Variants in SLC39A12 observed in about 807,000 individuals in gnomAD.
The protein encoded by SLC39A12 is solute carrier family 39 member 12.
SLC39A12 carries 63 observed loss-of-function variants against 71.1 expected under a neutral mutation model. The ratio of observed to expected loss-of-function variants is 0.89; its 90% confidence interval spans 0.72 to 1.09. SLC39A12 has a LOEUF of 1.09. SLC39A12 is among the 50% of genes least tolerant of loss of function. SLC39A12 has a pLI of 0.00. For missense variants in SLC39A12, 892 were observed against 812.6 expected (o/e 1.10, Z -1.19); for synonymous variants, 351 against 301.3 (o/e 1.16, Z -1.71).
At chr10:17,960,939 T>C (rs1834672460) in intron 2 of SLC39A12, among the ~76,000 whole-genome samples, 1 of 152,254 alleles carries the variant, frequency 6.6e-6, no homozygotes, top group African/African-American at 2.4e-5. Flanking sequence ...TAGCTGTTTT[T>C]ACTTTTTAAA....
At chr10:18,005,177 C>T (rs928079697) in intron 12 of SLC39A12, among the ~76,000 whole-genome samples, 4 of 151,788 alleles carry the variant, frequency 2.6e-5, no homozygotes, top group Non-Finnish European at 5.9e-5. Context: ...CTGTGACACA[C>T]GTTTACCTAT....
At position 17,953,500 on chromosome 10, in the gene SLC39A12, C is replaced by A; in HGVS notation, c.224C>A (p.Pro75Gln). Residue 75 changes from proline (P) to glutamine (Q), a missense_variant, in exon 2 of 13, where the codon CCA becomes CAA. Pro to Gln is a moderately conservative substitution (Grantham distance 76). Coordinates refer to ENST00000377369, the MANE Select transcript of SLC39A12 (RefSeq NM_001145195.2). ...ACATTGTTGGAGAAAACTGGGTGCCCACGGAGGAGAAACGGAATGCAAGGA... is the reference window on the plus strand; with the variant it reads ...ACATTGTTGGAGAAAACTGGGTGCCAACGGAGGAGAAACGGAATGCAAGGA... Reference protein sequence around the residue: ...IKTLLEKTGCPRRRNGMQGDC... With the variant: ...IKTLLEKTGCQRRRNGMQGDC... The A allele has an allele frequency of 6.2e-7, 1 of 1,614,092 alleles. No individual in the cohort carries two copies. The highest frequency in any genetic ancestry group is 8.5e-7 in the Non-Finnish European group (1 of 1,180,026).
intron 12 of SLC39A12, among the ~76,000 whole-genome samples, chr10:18,030,608 T>TTTTA (rs1168138812): frequency 8.1e-4 from 106 of 130,364 alleles, no homozygotes; most frequent in African/African-American, 2.5e-3. Flanking sequence ...TTTTATTTTA[T>TTTTA]TTTATTTATT....
At chr10:18,034,231 G>T in intron 12 of SLC39A12, among the ~76,000 whole-genome samples, 1 of 150,040 alleles carries the variant, frequency 6.7e-6, no homozygotes, top group East Asian at 2.0e-4. Flanking sequence ...TCGTTGATCT[G>T]TCTAATGTTG....
At chr10:17,955,567 C>T (rs1470104231) in intron 2 of SLC39A12, among the ~76,000 whole-genome samples, 1 of 152,146 alleles carries the variant, frequency 6.6e-6, no homozygotes, top group Non-Finnish European at 1.5e-5. Flanking sequence ...TGTCTGCTGA[C>T]AGGCAGGGTT....
intron 4 of SLC39A12, among the ~76,000 whole-genome samples, chr10:17,970,906 T>C (rs907104045): frequency 1.1e-4 from 16 of 152,130 alleles, no homozygotes; most frequent in Admixed American, 6.5e-5. Flanking sequence ...GCTTTCAGTT[T>C]GTTCTCATTC....
intron 12 of SLC39A12, among the ~76,000 whole-genome samples, chr10:18,011,941 C>T (rs1010538584): frequency 2.0e-5 from 3 of 152,106 alleles, no homozygotes; most frequent in Non-Finnish European, 2.9e-5. Context: ...TTAAAACAAC[C>T]TTGAGAATAG....
intron 10 of SLC39A12, among the ~76,000 whole-genome samples, chr10:17,999,065 G>A (rs1431008949): frequency 6.6e-6 from 1 of 152,100 alleles, no homozygotes; most frequent in Non-Finnish European, 1.5e-5. Flanking sequence ...GGGAGGCCGA[G>A]GCGGGTGGAT....
Position 18,042,902 on chromosome 10 carries a change from A to G in SLC39A12, c.*69A>G, listed in dbSNP as rs986094890. ...TACTTTGTTTCTTTCATTGCACTCTATAATGATTTTTAAATTAAGAATTTT... is the reference window on the plus strand; with the variant it reads ...TACTTTGTTTCTTTCATTGCACTCTGTAATGATTTTTAAATTAAGAATTTT... On this transcript the variant is annotated 3_prime_UTR_variant, in exon 13 of 13. Transcript: ENST00000377369. 2.3e-6 allele frequency: 3 copies of G among 1,321,336 alleles called. No homozygotes were observed. The highest frequency in any genetic ancestry group is 1.5e-5 in the African/African-American group (1 of 65,806). 81.9% of individuals were successfully genotyped at this position (1,321,336 alleles called of 1,614,324 possible).
At chr10:17,974,952 A>T (rs555929017) in intron 4 of SLC39A12, among the ~76,000 whole-genome samples, 18 of 152,306 alleles carry the variant, frequency 1.2e-4, no homozygotes, top group Non-Finnish European at 2.5e-4. Flanking sequence ...ACCGTATTGC[A>T]GCTGAATTGG....
intron 5 of SLC39A12, among the ~76,000 whole-genome samples, chr10:17,979,500 C>G (rs1028204864): frequency 6.6e-6 from 1 of 152,122 alleles, no homozygotes; most frequent in African/African-American, 2.4e-5. Flanking sequence ...AAACTATCAT[C>G]AAAAGTTTGT....
chr10:17,987,754 A>G (rs1835439682), intron 7 of SLC39A12, 103 bp downstream of exon 7: 1 of 1,179,542 alleles, frequency 8.5e-7, no homozygotes, highest in Non-Finnish European at 1.2e-6. Flanking sequence ...TCAAAGAGAG[A>G]GTATCGTGGC....
chr10:18,033,286 CTT>C (rs1836903188), intron 12 of SLC39A12, among the ~76,000 whole-genome samples: 2 of 148,374 alleles, frequency 1.3e-5, no homozygotes, highest in East Asian at 2.0e-4. Flanking sequence ...GTCCTGGACT[CTT>C]TTTGGTTGGT....
intron 2 of SLC39A12, among the ~76,000 whole-genome samples, chr10:17,954,498 C>A (rs1554847546): frequency 6.6e-6 from 1 of 152,086 alleles, no homozygotes; most frequent in Non-Finnish European, 1.5e-5. Flanking sequence ...TCGTGATCTG[C>A]CTGCCGCCAC....
chr10:18,041,862 CATATGTATATGTATATATATACACACAT>C (rs1837264071), intron 12 of SLC39A12, among the ~76,000 whole-genome samples: 1 of 144,700 alleles, frequency 6.9e-6, no homozygotes, highest in Non-Finnish European at 1.5e-5. Flanking sequence ...TATGTACATA[CATATGTATATGTATATATATACACACAT>C]ATATGTATAT....
At chr10:17,988,135 C>G (rs1278553535) in intron 7 of SLC39A12, among the ~76,000 whole-genome samples, 3 of 152,152 alleles carry the variant, frequency 2.0e-5, no homozygotes, top group African/African-American at 7.2e-5. Context: ...TGGTGAAACC[C>G]CATCTCTACT....
chr10:17,952,959 G>A lies in SLC39A12; in HGVS notation c.-86-232G>A, dbSNP rs114228280. On this transcript the variant is annotated intron_variant, in intron 1 of 12. Coordinates refer to ENST00000377369, the MANE Select transcript of SLC39A12 (RefSeq NM_001145195.2). The stretch of plus-strand genomic sequence containing the variant: ...TGGTAAATGGAGAAACTTACGTGAC[G>A]CTATGTTTAGTTTAGGGAGAGAGAA... Among the ~76,000 whole-genome samples, 228 of 152,262 alleles carry A rather than the reference G, an allele frequency of 1.5e-3. 3 individuals are homozygous for A. Among genetic ancestry groups the A allele is most frequent in the African/African-American group, 5.2e-3 (217 of 41,538 alleles).
intron 6 of SLC39A12, 53 bp downstream of exon 6, chr10:17,981,536 T>C: frequency 7.0e-7 from 1 of 1,429,770 alleles, no homozygotes; most frequent in South Asian, 1.3e-5. Flanking sequence ...TATGCAATAA[T>C]AATAGTAAAT....
intron 8 of SLC39A12, among the ~76,000 whole-genome samples, chr10:17,992,386 C>T (rs1455321980): frequency 6.6e-6 from 1 of 152,180 alleles, no homozygotes; most frequent in African/African-American, 2.4e-5. Flanking sequence ...GACTACAAGT[C>T]AACTTCTGTA....
Sources: allele counts gnomAD v4.1 joint callset (sites outside exome capture counted in the v4.1 genomes callset), GRCh38; gene constraint gnomAD v4.1.1; transcripts MANE v1.5; gene names NCBI Gene and HGNC (gene_info 2026-07-23, HGNC 2026-07-21).